SDK1: variants seen among roughly 807,000 people sequenced by gnomAD.
SDK1 encodes the protein protein sidekick-1.
Under a neutral mutation model 245.5 loss-of-function variants are expected in SDK1, and 157 were observed. The ratio of observed to expected loss-of-function variants is 0.64; its 90% CI spans 0.56 to 0.73. The LOEUF (loss-of-function observed/expected upper bound fraction) is 0.73. Ranked by LOEUF, SDK1 falls within the 30% of genes least tolerant of loss-of-function variation. SDK1 has a pLI of 0.00. For synonymous variants in SDK1, 1,647 were observed against 1,278.5 expected, an observed-to-expected ratio of 1.29 and a Z score of -6.15; for missense variants, 3,583 against 3,002.3, an observed-to-expected ratio of 1.19 and a Z score of -4.52.
intron 1 of SDK1, among the ~76,000 whole-genome samples, chr7:3,466,979 TACACAC>T (rs11269597): frequency 0.041 from 5,273 of 127,442 alleles, 118 homozygotes; most frequent in Middle Eastern, 0.068. Context: ...TCTCTCTCTC[TACACAC>T]ACACACACAC....
chr7:3,903,520 A>G (rs1781864037), intron 5 of SDK1, among the ~76,000 whole-genome samples: 1 of 152,154 alleles, frequency 6.6e-6, no homozygotes, highest in South Asian at 2.1e-4. Flanking sequence ...TACATTGTTT[A>G]TAGGATTGTA....
intron 4 of SDK1, among the ~76,000 whole-genome samples, chr7:3,706,465 G>T (rs766645234): frequency 6.6e-6 from 1 of 152,222 alleles, no homozygotes; most frequent in Middle Eastern, 3.4e-3. Context: ...GCAGTGGCAC[G>T]ATCTCAGCTC....
chr7:3,730,370 C>G (rs1779143015), intron 4 of SDK1, among the ~76,000 whole-genome samples: 1 of 152,150 alleles, frequency 6.6e-6, no homozygotes, highest in South Asian at 2.1e-4. Flanking sequence ...AGTAGGAGCT[C>G]TGGAGTGAAG....
At chr7:3,918,082 G>C (rs369356888) in intron 5 of SDK1, among the ~76,000 whole-genome samples, 229 of 152,276 alleles carry the variant, frequency 1.5e-3, no homozygotes, top group African/African-American at 5.1e-3. Context: ...ACCTTTCTTA[G>C]ACTGGATCTC....
chr7:3,629,913 T>C (rs1408653447), intron 2 of SDK1, among the ~76,000 whole-genome samples: 2 of 152,160 alleles, frequency 1.3e-5, no homozygotes, highest in Non-Finnish European at 2.9e-5. Context: ...TATAACTGTA[T>C]TGCATATGAT....
chr7:3,575,493 G>A (rs758428337), intron 1 of SDK1, among the ~76,000 whole-genome samples: 64 of 152,074 alleles, frequency 4.2e-4, no homozygotes, highest in Non-Finnish European at 6.5e-4. Context: ...TTTTATTTAA[G>A]CTAAAAGAAT....
intron 19 of SDK1, among the ~76,000 whole-genome samples, chr7:4,056,400 A>C (rs1179192998): frequency 6.6e-6 from 1 of 152,150 alleles, no homozygotes; most frequent in Admixed American, 6.5e-5. Flanking sequence ...ATAAAGAAGA[A>C]CAAGAACAGC....
intron 1 of SDK1, among the ~76,000 whole-genome samples, chr7:3,606,603 C>T (rs1010446755): frequency 3.9e-5 from 6 of 152,154 alleles, no homozygotes; most frequent in Non-Finnish European, 7.3e-5. Flanking sequence ...ACATCAGCGA[C>T]TTTGTACTTG....
chr7:3,630,141 C>T (rs1782245635), intron 2 of SDK1, among the ~76,000 whole-genome samples: 1 of 152,080 alleles, frequency 6.6e-6, no homozygotes, highest in Non-Finnish European at 1.5e-5. Flanking sequence ...TGTGGGAAAG[C>T]TTCAGATGGC....
chr7:3,322,516 T>C (rs747834268), intron 1 of SDK1, among the ~76,000 whole-genome samples: 9 of 152,218 alleles, frequency 5.9e-5, no homozygotes, highest in Non-Finnish European at 1.3e-4. Flanking sequence ...CTGGGTCATA[T>C]GGCAATCCTG....
At chr7:4,158,646 A>T (rs899616999) in intron 31 of SDK1, 95 bp downstream of exon 31, 1 of 834,310 alleles carries the variant, frequency 1.2e-6, no homozygotes, top group East Asian at 2.5e-5. Flanking sequence ...GAAAGGGGCC[A>T]CCAGGGAGTG....
At chr7:3,776,992 C>T (rs1043051424) in intron 4 of SDK1, among the ~76,000 whole-genome samples, 2 of 152,202 alleles carry the variant, frequency 1.3e-5, no homozygotes, top group African/African-American at 4.8e-5. Context: ...CACACACTTG[C>T]TCACGTTCAC....
intron 5 of SDK1, among the ~76,000 whole-genome samples, chr7:3,851,279 A>T (rs1171130212): frequency 6.6e-6 from 1 of 152,208 alleles, no homozygotes; most frequent in African/African-American, 2.4e-5. Flanking sequence ...GTCTTTTTTA[A>T]TTGAATTATT....
At chr7:3,604,508 T>G (rs191961743) in intron 1 of SDK1, among the ~76,000 whole-genome samples, 36 of 152,246 alleles carry the variant, frequency 2.4e-4, no homozygotes, top group Non-Finnish European at 4.9e-4. Context: ...ATCTCACACA[T>G]ATTTTGATAT....
chr7:4,064,957 A>G (rs1169807354), intron 19 of SDK1, among the ~76,000 whole-genome samples: 1 of 152,144 alleles, frequency 6.6e-6, no homozygotes, highest in Non-Finnish European at 1.5e-5. Flanking sequence ...ATGGGCATAA[A>G]CATTCAGTTA....
In SDK1 at chr7:3,792,361, A is replaced by G. The variant is rs531047216; in HGVS notation, c.714-29089A>G. Reference sequence around the variant, plus strand: ...TTTGCTTTCCTCTTCTCTTTCTTCCATCATTTCTAGTGAACATTAGATAAT... The same window carrying G: ...TTTGCTTTCCTCTTCTCTTTCTTCCGTCATTTCTAGTGAACATTAGATAAT... On this transcript the variant is annotated intron_variant, in intron 4 of 44. Transcript: ENST00000404826. Among the ~76,000 whole-genome samples the G allele has an allele frequency of 3.9e-5, 6 of 151,966 alleles. No homozygotes were observed. In the East Asian group the frequency reaches 9.7e-4, roughly 25 times the overall value.
intron 39 of SDK1, among the ~76,000 whole-genome samples, 166 bp downstream of exon 39, chr7:4,220,436 G>C (rs560359914): frequency 6.6e-6 from 1 of 151,952 alleles, no homozygotes; most frequent in African/African-American, 2.4e-5. Flanking sequence ...TCAAAAGCAC[G>C]CGTCAACATG....
At chr7:3,949,275 C>A (rs1253298297) in intron 5 of SDK1, among the ~76,000 whole-genome samples, 1 of 152,202 alleles carries the variant, frequency 6.6e-6, no homozygotes, top group Non-Finnish European at 1.5e-5. Context: ...TTAAAACATT[C>A]ATTACTTGGC....
At chr7:3,991,085 G>C (rs11973168) in intron 14 of SDK1, among the ~76,000 whole-genome samples, 8,597 of 152,256 alleles carry the variant, frequency 0.056, 760 homozygotes, top group African/African-American at 0.19. Context: ...CCTCCACGTC[G>C]CACGTTCCCG....
Sources: gnomAD v4.1 joint callset for allele counts (sites outside exome capture counted in the v4.1 genomes callset) on GRCh38, gnomAD v4.1.1 for gene constraint, MANE v1.5 for transcripts, NCBI Gene and HGNC (gene_info 2026-07-23, HGNC 2026-07-21) for gene names.